Variants in RHBG observed in about 807,000 individuals in gnomAD.
The protein encoded by RHBG is Rh family B glycoprotein.
Under a neutral mutation model 40.1 loss-of-function variants are expected in RHBG, and 39 were observed. The observed-to-expected ratio is 0.97, with a 90% CI of 0.75 to 1.27. RHBG has a LOEUF of 1.27. Among genes scored for constraint, RHBG ranks in the 50% most tolerant of loss-of-function variants. RHBG has a pLI of 0.00. For synonymous variants in RHBG, 237 were observed against 252.5 expected, an observed-to-expected ratio of 0.94 and a Z score of 0.58; for missense variants, 549 against 588.1, an observed-to-expected ratio of 0.93 and a Z score of 0.69.
At position 156,381,788 on chromosome 1, in the gene RHBG, A is replaced by G. The variant is rs547766480; in HGVS notation, c.841-18A>G. 8.9e-6 allele frequency: 14 copies of G among 1,576,274 alleles called. No homozygotes were observed. The Admixed American group carries it at 1.1e-4, about 12-fold the overall frequency. The stretch of plus-strand genomic sequence containing the variant: ...GTGACAATCTGAAAGGGCCTCCAAC[A>G]CCTTGCTCTTCCCTTAGGTCCACAT... On this transcript the variant is annotated intron_variant, in intron 5 of 9. Transcript: ENST00000537040.
chr1:156,384,574 C>T lies in RHBG; in HGVS notation c.1282C>T (p.His428Tyr), dbSNP rs1407463907. 11 of 1,591,320 alleles carry T rather than the reference C, an allele frequency of 6.9e-6. No homozygotes were observed. The Admixed American group carries it at 8.7e-5, about 13-fold the overall frequency. ...TCTGGACTCCCCCCCAGACTCCCAG[C>T]ACTACGAGGACCAAGTTCACTGGCA... ...PFLDSPPDSQ[H>Y]YEDQVHWQVP... The change falls in exon 9 of 10, where the codon CAC becomes TAC. Residue 428 changes from histidine to tyrosine, a missense_variant. His to Tyr is a moderately conservative substitution (Grantham distance 83, BLOSUM62 2). This residue lies in a region of RHBG where 399 missense variants were observed against 417.0 expected (regional missense o/e 0.96). Coordinates refer to ENST00000537040, the MANE Select transcript of RHBG (RefSeq NM_020407.5).
chr1:156,377,956 C>T lies in RHBG; in HGVS notation c.375-34C>T. On this transcript the variant is annotated intron_variant, in intron 2 of 9. Coordinates refer to ENST00000537040, the MANE Select transcript of RHBG (RefSeq NM_020407.5). This position sits in a 1 kb window ranked among gnomAD's most constrained non-coding sequence, Gnocchi z 4.6. Reference sequence around the variant, plus strand: ...GAACCCCGAGGCCAGCCTCTCTGACCCCTCTTGTGCTCCCACTTCTGCCCC... The same window carrying T: ...GAACCCCGAGGCCAGCCTCTCTGACTCCTCTTGTGCTCCCACTTCTGCCCC... The T allele has an allele frequency of 3.3e-6, 5 of 1,515,934 alleles. No homozygotes were observed. The highest frequency in any genetic ancestry group is 4.4e-6 in the Non-Finnish European group (5 of 1,130,288). The allele number at this position is 1,515,934 out of a possible 1,614,324, so 93.9% of individuals were successfully genotyped here.
rs778395857 is a variant in RHBG, at chr1:156,381,350, C to T, written c.677C>T (p.Thr226Ile). ...YHSDLFAMIG[T>I]IFLWIFWPSF... Reference sequence around the variant, plus strand: ...TGCCTGTCTGTCCACCATCTAGGGACCATCTTCCTGTGGATCTTCTGGCCT... The same window carrying T: ...TGCCTGTCTGTCCACCATCTAGGGATCATCTTCCTGTGGATCTTCTGGCCT... The change falls in exon 5 of 10, where the codon ACC becomes ATC. Residue 226 changes from threonine (T) to isoleucine (I), a missense_variant. This residue lies in a region of RHBG where 399 missense variants were observed against 417.0 expected (regional missense o/e 0.96). Transcript: ENST00000537040. 2 of 1,613,962 alleles carry T rather than the reference C, an allele frequency of 1.2e-6. No homozygotes were observed. Among genetic ancestry groups the T allele is most frequent in the Non-Finnish European group, 1.7e-6 (2 of 1,180,046 alleles).
rs1230330257 is a variant in RHBG, at chr1:156,381,293, C to G, written c.674-54C>G. The G allele has an allele frequency of 1.9e-6, 3 of 1,581,636 alleles. No homozygotes were observed. In the African/African-American group the frequency reaches 4.0e-5, roughly 21 times the overall value. Reference sequence around the variant, plus strand: ...TTGCCTGCAGTTATACAACTTGTACCTTGCGTGGGAGTCACTTCCTTCTTC... The same window carrying G: ...TTGCCTGCAGTTATACAACTTGTACGTTGCGTGGGAGTCACTTCCTTCTTC... On this transcript the variant is annotated intron_variant, in intron 4 of 9. Coordinates refer to ENST00000537040, the MANE Select transcript of RHBG (RefSeq NM_020407.5).
intron 1 of RHBG, among the ~76,000 whole-genome samples, chr1:156,376,804 C>T (rs545502676): frequency 7.2e-5 from 11 of 152,260 alleles, no homozygotes; most frequent in Non-Finnish European, 1.2e-4. Context: ...CTGCACTCTT[C>T]CCTGGGTGAC....
chr1:156,382,601 G>A, intron 7 of RHBG, 147 bp from the exon 8 acceptor site: 1 of 973,180 alleles, frequency 1.0e-6, no homozygotes, highest in Non-Finnish European at 1.6e-6. Flanking sequence ...GCCTGGAGGT[G>A]AGACTCAGCC....
chr1:156,369,672 G>A (rs769448450), intron 1 of RHBG, among the ~76,000 whole-genome samples: 7 of 152,156 alleles, frequency 4.6e-5, no homozygotes, highest in Non-Finnish European at 8.8e-5. Context: ...ACAAAGGTGG[G>A]GAAACTGAGG....
rs17387537 is a variant in RHBG, at chr1:156,382,464, G to A, written c.1112+263G>A. On this transcript the variant is annotated intron_variant, in intron 7 of 9. Coordinates refer to ENST00000537040, the MANE Select transcript of RHBG (RefSeq NM_020407.5). ...GTCAGTAAGAGATAATGACCTTTAG[G>A]ATCTATTTTTGCACATCAAGGGTGG... The A allele has an allele frequency of 6.9e-3, 4,362 of 627,690 alleles. 16 individuals are homozygous for A. The highest frequency in any genetic ancestry group is 9.1e-3 in the Non-Finnish European group (3,283 of 361,382). 38.9% of individuals were successfully genotyped at this position (627,690 alleles called of 1,614,324 possible). A position where few individuals can be genotyped will look rare whatever the true frequency, so the allele number is the denominator to read the frequency against.
At chr1:156,384,328 A>C (rs1199089726) in intron 8 of RHBG, 199 bp from the exon 9 acceptor site, 1 of 657,074 alleles carries the variant, frequency 1.5e-6, no homozygotes. Context: ...GTGATTACTC[A>C]GGAAAGCAAG....
intron 4 of RHBG, among the ~76,000 whole-genome samples, chr1:156,380,544 G>A (rs1192904170): frequency 6.6e-6 from 1 of 151,650 alleles, no homozygotes; most frequent in East Asian, 2.0e-4. Context: ...CCAACATGGT[G>A]AAACCCCTTC....
At chr1:156,375,991 C>CCGAGACTGAGTAGGGAA in intron 1 of RHBG, among the ~76,000 whole-genome samples, 1 of 152,060 alleles carries the variant, frequency 6.6e-6, no homozygotes, top group Non-Finnish European at 1.5e-5. Context: ...AGCAGTCTTC[C>CCGAGACTGAGTAGGGAA]CTACTCAGCC....
rs1270341230 is a variant in RHBG at position 156,383,970 on chromosome 1, A to ATTATT, written c.1235-554_1235-553insTTTTA. Among the ~76,000 whole-genome samples the ATTATT allele has an allele frequency of 6.6e-5, 10 of 151,060 alleles. No individual in the cohort carries two copies. The East Asian group carries it at 1.4e-3, about 21-fold the overall frequency. ...TGCCTCAGCCTCCCAAGTATCTGGGATTACAGGCGACCCCCACCACACCCG... is the reference window on the plus strand; with the variant it reads ...TGCCTCAGCCTCCCAAGTATCTGGGATTATTTTACAGGCGACCCCCACCACACCCG... On this transcript the variant is annotated intron_variant, in intron 8 of 9. Transcript: ENST00000537040.
chr1:156,378,073 T>C lies in RHBG; in HGVS notation c.458T>C (p.Leu153Pro). 3.1e-6 allele frequency: 5 copies of C among 1,609,722 alleles called. No individual in the cohort carries two copies. Among genetic ancestry groups the C allele is most frequent in the Non-Finnish European group, 4.2e-6 (5 of 1,177,604 alleles). ...VLGKTGPTQL[L>P]LMALLEVVLF... is the part of the protein sequence containing the mutation. The stretch of plus-strand genomic sequence containing the variant: ...GGCAAGACCGGGCCTACCCAGCTGC[T>C]GCTCATGGCCCTGCTGGAGGTGGTG... Residue 153 changes from leucine to proline, a missense_variant, in exon 3 of 10, where the codon CTG becomes CCG. Leu to Pro is a moderately conservative substitution (Grantham distance 98, BLOSUM62 -3). Coordinates refer to ENST00000537040, the MANE Select transcript of RHBG (RefSeq NM_020407.5).
chr1:156,382,344 AAAACCAACCCAG>A, intron 7 of RHBG, 143 bp downstream of exon 7: 1 of 1,295,512 alleles, frequency 7.7e-7, no homozygotes, highest in South Asian at 1.3e-5. Context: ...TGGAGTTAAC[AAAACCAACCCAG>A]AAACTGCCTT....
chr1:156,374,599 T>TG (rs1476264574), intron 1 of RHBG: 71 of 445,776 alleles, frequency 1.6e-4, no homozygotes, highest in African/African-American at 1.4e-3. Flanking sequence ...TTTTTTTTTT[T>TG]TTTTTAGATG....
At chr1:156,378,806 A>G (rs1477877248) in intron 4 of RHBG, among the ~76,000 whole-genome samples, 1 of 152,096 alleles carries the variant, frequency 6.6e-6, no homozygotes, top group Non-Finnish European at 1.5e-5. Context: ...CCCGGCAAAC[A>G]GGCAATCTCT....
Position 156,377,534 on chromosome 1 carries a change from C to G in RHBG, c.374+47C>G, listed in dbSNP as rs760982103. On this transcript the variant is annotated intron_variant, in intron 2 of 9. Coordinates refer to ENST00000537040, the MANE Select transcript of RHBG (RefSeq NM_020407.5). The surrounding 1 kb of genome is among the most constrained non-coding windows in gnomAD (Gnocchi z 4.6). ...AGCTCCCCAAGGTTCACTCGGGAGG[C>G]CCCTGCCCATGGGCCCCGGATCTAG... 2.5e-6 allele frequency: 4 copies of G among 1,568,720 alleles called. No homozygotes were observed. Among genetic ancestry groups the G allele is most frequent in the Non-Finnish European group, 3.5e-6 (4 of 1,148,962 alleles).
chr1:156,378,536 G>A (rs1177842392), intron 4 of RHBG, 137 bp downstream of exon 4: 11 of 1,051,900 alleles, frequency 1.0e-5, no homozygotes, highest in Non-Finnish European at 1.5e-5. Flanking sequence ...ATTCTGCTGT[G>A]AGAGCTCTGG....
chr1:156,369,432 C>T lies in RHBG; in HGVS notation c.183C>T (p.Tyr61=), dbSNP rs1206815273. 6.2e-7 allele frequency: 1 copy of T among 1,610,042 alleles called. No homozygotes were observed. Among genetic ancestry groups the T allele is most frequent in the Non-Finnish European group, 8.5e-7 (1 of 1,177,718 alleles). Residue 61 remains tyrosine (Y), a synonymous_variant, in exon 1 of 10, where the codon TAC becomes TAT. Coordinates refer to ENST00000537040, the MANE Select transcript of RHBG (RefSeq NM_020407.5). Reference sequence around the variant, plus strand: ...CGGACAATGAATTTTACTTTCGCTACCCAAGTGAGTGCGGGGTGAGGGCGC... The same window carrying T: ...CGGACAATGAATTTTACTTTCGCTATCCAAGTGAGTGCGGGGTGAGGGCGC... ...SNADNEFYFR[Y]PSFQDVHAMV... is the part of the protein sequence containing the mutation.
Sources: allele counts gnomAD v4.1 joint callset (sites outside exome capture counted in the v4.1 genomes callset), GRCh38; gene constraint gnomAD v4.1.1; regional missense constraint gnomAD v4.1.1; non-coding constraint Gnocchi (gnomAD v3.1); transcripts MANE v1.5; gene names NCBI Gene and HGNC (gene_info 2026-07-23, HGNC 2026-07-21).